SERPINB5: variants seen among roughly 807,000 people sequenced by gnomAD.
The protein encoded by SERPINB5 is serpin family B member 5.
In SERPINB5, 27 loss-of-function variants were observed where a neutral mutation model predicts 32.2. The ratio of observed to expected loss-of-function variants is 0.84; its 90% CI spans 0.62 to 1.16. SERPINB5 has a LOEUF of 1.16. SERPINB5 is among the 50% of genes most tolerant of loss of function. The pLI, the probability that SERPINB5 is intolerant of heterozygous loss-of-function variation, is 0.00. For missense variants in SERPINB5, 388 were observed against 436.3 expected, an observed-to-expected ratio of 0.89 and a Z score of 0.99; for synonymous variants, 154 against 157.4, an observed-to-expected ratio of 0.98 and a Z score of 0.16.
Position 63,503,382 on chromosome 18 carries a change from C to G in SERPINB5, c.788C>G (p.Thr263Ser). 3 of 1,614,212 alleles carry G rather than the reference C, an allele frequency of 1.9e-6. No homozygotes were observed. The highest frequency in any genetic ancestry group is 1.7e-6 in the Non-Finnish European group (2 of 1,180,030). ...CTGTCACAGTGGACTAATCCCAGCA[C>G]CATGGCCAATGCCAAGGTCAAACTC... ...ESLSQWTNPS[T>S]MANAKVKLSI... Residue 263 changes from threonine to serine, a missense_variant, in exon 7 of 7, where the codon ACC becomes AGC. Coordinates refer to ENST00000382771, the MANE Select transcript of SERPINB5 (RefSeq NM_002639.5).
intron 4 of SERPINB5, among the ~76,000 whole-genome samples, chr18:63,489,999 T>C (rs1262190069): frequency 2.0e-5 from 3 of 152,182 alleles, no homozygotes; most frequent in Non-Finnish European, 2.9e-5. Context: ...GAGACCATCC[T>C]GGCTAACACG....
At chr18:63,501,705 C>T (rs530623936) in intron 6 of SERPINB5, among the ~76,000 whole-genome samples, 8 of 152,276 alleles carry the variant, frequency 5.3e-5, no homozygotes, top group Admixed American at 2.6e-4. Context: ...TCCAGCACCT[C>T]TTGTTTCCTG....
chr18:63,497,347 GC>G (rs1909470054), intron 5 of SERPINB5: 2 of 1,309,024 alleles, frequency 1.5e-6, no homozygotes, highest in African/African-American at 1.4e-5. Context: ...CCTGTCTGAG[GC>G]CATGGGGCTC....
At chr18:63,485,682 C>T (rs571020263) in intron 2 of SERPINB5, 1 of 152,212 alleles carries the variant, frequency 6.6e-6, no homozygotes, top group Non-Finnish European at 1.5e-5. Context: ...TGGGTCTGTT[C>T]CTCAGTAATT....
chr18:63,495,727 G>C (rs1027644538), intron 5 of SERPINB5, among the ~76,000 whole-genome samples: 28 of 152,044 alleles, frequency 1.8e-4, no homozygotes, highest in African/African-American at 6.8e-4. Flanking sequence ...CATAAAGCTG[G>C]GTTATATAAG....
chr18:63,495,599 G>A (rs987056094), intron 5 of SERPINB5, among the ~76,000 whole-genome samples: 1 of 152,206 alleles, frequency 6.6e-6, no homozygotes, highest in Admixed American at 6.5e-5. Context: ...TGAGTAGAAT[G>A]TGGACTTTTG....
At position 63,503,535 on chromosome 18, in the gene SERPINB5, CCCTA is replaced by C; in HGVS notation, c.942_945del (p.Leu315GlnfsTer9). On this transcript the variant is annotated frameshift_variant, in exon 7 of 7. Transcript: ENST00000382771. LOFTEE classifies it high-confidence loss of function. Reference sequence around the variant, plus strand: ...GGAATGTCAGAGACCAAGGGAGTGGCCCTATCAAATGTTATCCACAAAGTGTGCT... The same window carrying C: ...GGAATGTCAGAGACCAAGGGAGTGGCTCAAATGTTATCCACAAAGTGTGCT... 6.2e-7 allele frequency: 1 copy of C among 1,614,216 alleles called. No homozygotes were observed.
At chr18:63,484,315 G>T in intron 1 of SERPINB5, 107 bp from the exon 2 acceptor site, 1 of 1,091,500 alleles carries the variant, frequency 9.2e-7, no homozygotes. Context: ...TTTCTTCTGA[G>T]ATCAATTACT....
At chr18:63,495,190 AC>A (rs1909423476) in intron 5 of SERPINB5, among the ~76,000 whole-genome samples, 1 of 152,248 alleles carries the variant, frequency 6.6e-6, no homozygotes, top group Admixed American at 6.5e-5. Context: ...GACCCTGCAC[AC>A]AAGAGGTCTG....
rs191249063 is a variant in SERPINB5 at position 63,486,507 on chromosome 18, G to A, written c.169-439G>A. ...ATAGAAATTATAACCCAGCTTCATC[G>A]TTCTCCAAGTTTGGAAATCCTTCTG... On this transcript the variant is annotated intron_variant, in intron 2 of 6. Transcript: ENST00000382771. Among the ~76,000 whole-genome samples the A allele has an allele frequency of 3.3e-5, 5 of 152,178 alleles. No individual in the cohort carries two copies. The East Asian group carries it at 5.8e-4, about 18-fold the overall frequency.
intron 3 of SERPINB5, among the ~76,000 whole-genome samples, chr18:63,488,363 T>A (rs927150760): frequency 6.6e-6 from 1 of 152,228 alleles, no homozygotes; most frequent in Non-Finnish European, 1.5e-5. Flanking sequence ...CCATGCAACA[T>A]CTGGAATGAT....
chr18:63,478,044 G>A (rs545186574), intron 1 of SERPINB5, among the ~76,000 whole-genome samples: 40 of 152,308 alleles, frequency 2.6e-4, no homozygotes, highest in African/African-American at 9.4e-4. Context: ...TTTCGATAAT[G>A]GGTTCCAAAC....
At chr18:63,501,138 C>T (rs945131754) in intron 6 of SERPINB5, among the ~76,000 whole-genome samples, 3 of 151,790 alleles carry the variant, frequency 2.0e-5, no homozygotes, top group African/African-American at 7.3e-5. Flanking sequence ...TGGTGTGCTG[C>T]ACCCATTAAG....
chr18:63,500,472 C>T (rs1163114925), intron 6 of SERPINB5, among the ~76,000 whole-genome samples: 1 of 151,950 alleles, frequency 6.6e-6, no homozygotes, highest in Non-Finnish European at 1.5e-5. Flanking sequence ...TTTTATAGTA[C>T]ACATTATATA....
intron 5 of SERPINB5, among the ~76,000 whole-genome samples, chr18:63,495,753 C>G (rs1006786459): frequency 1.3e-5 from 2 of 152,144 alleles, no homozygotes; most frequent in Non-Finnish European, 2.9e-5. Flanking sequence ...GGAAACTCAG[C>G]CTTTATGAAC....
Position 63,499,903 on chromosome 18 carries a change from C to T in SERPINB5, c.735+616C>T, listed in dbSNP as rs550231158. Among the ~76,000 whole-genome samples the T allele has an allele frequency of 5.9e-5, 9 of 152,186 alleles. No homozygotes were observed. In the East Asian group the frequency reaches 1.3e-3, roughly 23 times the overall value. ...GTACAAGGAGTTCCCATATACTCCC[C>T]TTCCCGTCCCAGGCCTACAGTTTCA... is the stretch of plus-strand genomic sequence containing the variant. On this transcript the variant is annotated intron_variant, in intron 6 of 6. Coordinates refer to ENST00000382771, the MANE Select transcript of SERPINB5 (RefSeq NM_002639.5).
intron 3 of SERPINB5, 55 bp downstream of exon 3, chr18:63,487,138 T>G (rs1366871070): frequency 6.3e-7 from 1 of 1,575,204 alleles, no homozygotes; most frequent in Non-Finnish European, 8.7e-7. Context: ...AGTGGCATTT[T>G]CATGCTGTTA....
intron 1 of SERPINB5, among the ~76,000 whole-genome samples, chr18:63,482,060 G>T (rs57668734): frequency 6.6e-6 from 1 of 152,136 alleles, no homozygotes; most frequent in South Asian, 2.1e-4. Flanking sequence ...AGCATGAACA[G>T]AGTCAATAAA....
chr18:63,484,770 CAGGG>C (rs1917181432), intron 2 of SERPINB5, among the ~76,000 whole-genome samples, 174 bp downstream of exon 2: 1 of 26,684 alleles, frequency 3.7e-5, no homozygotes, highest in Non-Finnish European at 1.1e-4. Context: ...TTTTGTGAGA[CAGGG>C]TCCCACTCTG....
Sources: allele counts gnomAD v4.1 joint callset (sites outside exome capture counted in the v4.1 genomes callset), GRCh38; gene constraint gnomAD v4.1.1; transcripts MANE v1.5; gene names NCBI Gene and HGNC (gene_info 2026-07-23, HGNC 2026-07-21).